KIF2A: variants seen among roughly 807,000 people sequenced by gnomAD.
The protein encoded by KIF2A is kinesin-like protein KIF2A.
Under a neutral mutation model 100.2 loss-of-function variants are expected in KIF2A, and 22 were observed. That is an observed-to-expected ratio of 0.22 (90% CI 0.16 to 0.31). KIF2A has a LOEUF of 0.31. KIF2A is among the 10% of genes least tolerant of loss of function. The pLI is 1.00. For missense variants in KIF2A, 495 were observed against 898.7 expected (o/e 0.55, Z 5.74); for synonymous variants, 268 against 285.9 (o/e 0.94, Z 0.63).
chr5:62,365,416 T>A (rs1007451356), intron 15 of KIF2A, 63 bp downstream of exon 15: 9 of 794,400 alleles, frequency 1.1e-5, no homozygotes, highest in Non-Finnish European at 1.8e-5. Flanking sequence ...TACACAATAT[T>A]TATGGAAAAT....
chr5:62,368,134 A>G (rs1741163279), intron 16 of KIF2A, among the ~76,000 whole-genome samples: 1 of 152,184 alleles, frequency 6.6e-6, no homozygotes, highest in South Asian at 2.1e-4. Context: ...TGGGAAATAG[A>G]GCATTATTGG....
chr5:62,333,637 G>A (rs1225064232), intron 1 of KIF2A, among the ~76,000 whole-genome samples: 6 of 152,134 alleles, frequency 3.9e-5, no homozygotes, highest in African/African-American at 9.7e-5. Flanking sequence ...AGGAGCTCCC[G>A]TTATGGTGGT....
chr5:62,310,067 ATTC>A lies in KIF2A; in HGVS notation c.64+3534_64+3536del, dbSNP rs776028160. Among the ~76,000 whole-genome samples the A allele has an allele frequency of 2.7e-3, 334 of 123,030 alleles. 5 individuals carry two copies. Among genetic ancestry groups the A allele is most frequent in the South Asian group, 4.7e-3 (19 of 4,030 alleles). The allele number at this position is 123,030 out of a possible 152,430, so 80.7% of individuals were successfully genotyped here. The stretch of plus-strand genomic sequence containing the variant: ...TAATGGGACTTACTAATAACTAATA[ATTC>A]TTTTTTTTTTTTTTTTTGAGACAGA... On this transcript the variant is annotated intron_variant, in intron 1 of 20. Transcript: ENST00000407818.
chr5:62,323,014 T>C (rs1237679819), intron 1 of KIF2A, among the ~76,000 whole-genome samples: 2 of 150,006 alleles, frequency 1.3e-5, no homozygotes, highest in East Asian at 3.9e-4. Context: ...CCCAGCACTT[T>C]GGGAGGCCGA....
At chr5:62,369,827 C>CT (rs560753085) in intron 16 of KIF2A, among the ~76,000 whole-genome samples, 4 of 151,994 alleles carry the variant, frequency 2.6e-5, no homozygotes, top group Admixed American at 6.6e-5. Flanking sequence ...AGTGTTTAAA[C>CT]TTTTTTTGTA....
At chr5:62,364,146 C>T (rs1274033946) in intron 14 of KIF2A, among the ~76,000 whole-genome samples, 4 of 151,344 alleles carry the variant, frequency 2.6e-5, no homozygotes, top group Non-Finnish European at 5.9e-5. Flanking sequence ...AGGTAAACTC[C>T]AGAGGTTTTT....
intron 1 of KIF2A, among the ~76,000 whole-genome samples, chr5:62,327,192 G>A (rs983618697): frequency 2.0e-5 from 3 of 151,908 alleles, no homozygotes; most frequent in Non-Finnish European, 2.9e-5. Flanking sequence ...TTAAAGATCG[G>A]GACTTCTACC....
At chr5:62,323,250 ATC>A (rs1746195981) in intron 1 of KIF2A, among the ~76,000 whole-genome samples, 1 of 138,214 alleles carries the variant, frequency 7.2e-6, no homozygotes, top group Non-Finnish European at 1.6e-5. Flanking sequence ...GCGAAACTCC[ATC>A]TCAAAAAAAA....
intron 16 of KIF2A, among the ~76,000 whole-genome samples, chr5:62,366,830 CAA>C (rs753260744): frequency 1.3e-4 from 11 of 82,054 alleles, no homozygotes; most frequent in Admixed American, 2.8e-4. Context: ...GACTCCGTCT[CAA>C]AAAAAAAAAA....
rs193265864 is a variant in KIF2A, at chr5:62,311,485, T to C, written c.64+4949T>C. Among the ~76,000 whole-genome samples the C allele has an allele frequency of 2.5e-3, 377 of 152,282 alleles. 12 individuals are homozygous for C. The highest frequency in any genetic ancestry group is 0.02 in the Admixed American group (307 of 15,286). ...TTTAACATCTGAAATCAAGAGGCAA[T>C]TGAAGATTTCAAAGGACCCATCAGG... On this transcript the variant is annotated intron_variant, in intron 1 of 20. Transcript: ENST00000407818.
Position 62,363,770 on chromosome 5 carries a change from A to G in KIF2A, c.1338A>G (p.Lys446=). The G allele has an allele frequency of 6.2e-7, 1 of 1,613,982 alleles. No homozygotes were observed. Among genetic ancestry groups the G allele is most frequent in the Non-Finnish European group, 8.5e-7 (1 of 1,179,838 alleles). ...TGTTTCAGATTATTCTTAGAAGGAA[A>G]GGAAAACTACATGGCAAATTTTCTC... ...HAVFQIILRR[K]GKLHGKFSLI... The change falls in exon 14 of 21, where the codon AAA becomes AAG. Residue 446 remains lysine, a synonymous_variant. Coordinates refer to ENST00000407818, the MANE Select transcript of KIF2A (RefSeq NM_001098511.3).
At chr5:62,342,223 C>T (rs1747332499) in intron 1 of KIF2A, among the ~76,000 whole-genome samples, 1 of 152,194 alleles carries the variant, frequency 6.6e-6, no homozygotes, top group African/African-American at 2.4e-5. Context: ...CCTCACTACT[C>T]ATGTTGTAGA....
intron 18 of KIF2A, among the ~76,000 whole-genome samples, chr5:62,376,667 C>G (rs1186456140): frequency 6.6e-6 from 1 of 151,862 alleles, no homozygotes; most frequent in Non-Finnish European, 1.5e-5. Context: ...GTGATCCGCC[C>G]GCCTCAGCCT....
intron 18 of KIF2A, among the ~76,000 whole-genome samples, chr5:62,376,721 G>A (rs1428876081): frequency 3.3e-5 from 5 of 150,768 alleles, no homozygotes; most frequent in African/African-American, 7.5e-5. Flanking sequence ...ACACCCAGCC[G>A]AAGTTTTTTT....
intron 1 of KIF2A, among the ~76,000 whole-genome samples, chr5:62,345,034 C>T (rs1747485859): frequency 6.6e-6 from 1 of 151,556 alleles, no homozygotes; most frequent in Admixed American, 6.6e-5. Context: ...TCGCCTGAGG[C>T]CAGGAGTTTG....
intron 8 of KIF2A, 119 bp from the exon 9 acceptor site, chr5:62,358,018 A>G (rs1748203708): frequency 1.3e-6 from 1 of 774,836 alleles, no homozygotes. Context: ...ATGGGATATT[A>G]TCTTTATATG....
rs189747658 is a variant in KIF2A at position 62,390,357 on chromosome 5, T to A, written c.*4788T>A. On this transcript the variant is annotated 3_prime_UTR_variant, in exon 21 of 21. Transcript: ENST00000407818. ...TTATGACAGCTTTTTACTTGAGAAG[T>A]GTAGAACTTGCTTCAGGCTACAAAA... Among the ~76,000 whole-genome samples, 448 of 152,362 alleles carry A rather than the reference T, an allele frequency of 2.9e-3. 1 individual carries two copies. The highest frequency in any genetic ancestry group is 5.1e-3 in the Non-Finnish European group (349 of 68,038).
chr5:62,332,421 A>ACT (rs1746701055), intron 1 of KIF2A, among the ~76,000 whole-genome samples: 1 of 152,234 alleles, frequency 6.6e-6, no homozygotes, highest in Non-Finnish European at 1.5e-5. Flanking sequence ...TGAGATGTGA[A>ACT]CTGTTTTCCC....
At position 62,385,700 on chromosome 5, in the gene KIF2A, A is replaced by C. The variant is rs1484410419; in HGVS notation, c.*131A>C. ...AAATGTTTTGTCCTTCACCTGAATT[A>C]CATTTCAATTTTGTGAAACACTCTT... On this transcript the variant is annotated 3_prime_UTR_variant, in exon 21 of 21. Transcript: ENST00000407818. 1.6e-6 allele frequency: 1 copy of C among 628,130 alleles called. No individual in the cohort carries two copies. Among genetic ancestry groups the C allele is most frequent in the Non-Finnish European group, 2.8e-6 (1 of 353,040 alleles). The allele number at this position is 628,130 out of a possible 1,614,324, so 38.9% of individuals were successfully genotyped here.
Sources: gnomAD v4.1 joint callset for allele counts (sites outside exome capture counted in the v4.1 genomes callset) on GRCh38, gnomAD v4.1.1 for gene constraint, MANE v1.5 for transcripts, NCBI Gene and HGNC (gene_info 2026-07-23, HGNC 2026-07-21) for gene names.